AKT3: variants seen among roughly 807,000 people sequenced by gnomAD.
The protein encoded by AKT3 is RAC-gamma serine/threonine-protein kinase.
A neutral mutation model predicts 65.3 loss-of-function variants in AKT3; 15 were observed. The ratio of observed to expected loss-of-function variants is 0.23; its 90% CI spans 0.15 to 0.35. The LOEUF (loss-of-function observed/expected upper bound fraction) is 0.35, where lower values mean the gene tolerates loss of function less well. Ranked by LOEUF, AKT3 falls within the 10% of genes least tolerant of loss-of-function variation. AKT3 has a pLI of 1.00. For synonymous variants in AKT3, 206 were observed against 183.8 expected (o/e 1.12, Z -0.98); for missense variants, 243 against 576.5 (o/e 0.42, Z 5.92).
At chr1:243,689,919 TG>T (rs1260606614) in intron 3 of AKT3, among the ~76,000 whole-genome samples, 3 of 152,014 alleles carry the variant, frequency 2.0e-5, no homozygotes, top group Non-Finnish European at 2.9e-5. Flanking sequence ...TACTCCAGCC[TG>T]GGTGACAGAG....
chr1:243,525,085 A>G (rs765450705), intron 12 of AKT3, among the ~76,000 whole-genome samples: 1 of 152,208 alleles, frequency 6.6e-6, no homozygotes, highest in Non-Finnish European at 1.5e-5. Flanking sequence ...AGGCAGCCAA[A>G]GAGAAGAAGC....
chr1:243,545,654 A>C, intron 11 of AKT3, 57 bp from the exon 12 acceptor site: 1 of 1,217,406 alleles, frequency 8.2e-7, no homozygotes, highest in Non-Finnish European at 1.2e-6. Context: ...AGCTCAAAGC[A>C]TAACAAAAAA....
intron 2 of AKT3, among the ~76,000 whole-genome samples, chr1:243,740,454 C>T (rs1223914679): frequency 6.6e-6 from 1 of 152,144 alleles, no homozygotes; most frequent in African/African-American, 2.4e-5. Flanking sequence ...CCTTGGTATG[C>T]AGGATTCTGC....
chr1:243,568,109 A>G (rs1228007663), intron 9 of AKT3, among the ~76,000 whole-genome samples: 1 of 152,200 alleles, frequency 6.6e-6, no homozygotes. Context: ...ATATTTACAA[A>G]TGATCTTTCT....
intron 2 of AKT3, among the ~76,000 whole-genome samples, chr1:243,736,140 C>T (rs1359334536): frequency 6.6e-6 from 1 of 152,164 alleles, no homozygotes; most frequent in African/African-American, 2.4e-5. Flanking sequence ...AATCCTGGCT[C>T]TGCCACTTAT....
chr1:243,784,428 C>T, intron 2 of AKT3, among the ~76,000 whole-genome samples: 1 of 125,814 alleles, frequency 7.9e-6, no homozygotes, highest in South Asian at 2.6e-4. Flanking sequence ...CAGCCCTCTT[C>T]AAAAAAAAAA....
intron 10 of AKT3, among the ~76,000 whole-genome samples, chr1:243,559,569 T>C (rs1389633846): frequency 6.6e-6 from 1 of 152,176 alleles, no homozygotes; most frequent in Non-Finnish European, 1.5e-5. Flanking sequence ...GTATCTGACA[T>C]TGGACATTTA....
chr1:243,515,146 G>T (rs1242551051), intron 12 of AKT3, among the ~76,000 whole-genome samples: 1 of 152,134 alleles, frequency 6.6e-6, no homozygotes, highest in African/African-American at 2.4e-5. Context: ...ACTTTGCTGG[G>T]TAATATTTCA....
At chr1:243,642,251 C>A (rs1178718387) in intron 5 of AKT3, among the ~76,000 whole-genome samples, 1 of 152,160 alleles carries the variant, frequency 6.6e-6, no homozygotes. Flanking sequence ...TACACTATTA[C>A]AAAATGTTTT....
Position 243,523,965 on chromosome 1 carries a change from T to C in AKT3, c.1252-11539A>G, listed in dbSNP as rs144435306. Among the ~76,000 whole-genome samples the C allele has an allele frequency of 2.5e-3, 379 of 152,330 alleles. 2 individuals are homozygous for C. Among genetic ancestry groups the C allele is most frequent in the South Asian group, 6.0e-3 (29 of 4,822 alleles). ...AAATGCATGTTAGTTGATTGTGTCATTGTCAAACATCATGGAGAGTACTTA... is the reference window on the plus strand; with the variant it reads ...AAATGCATGTTAGTTGATTGTGTCACTGTCAAACATCATGGAGAGTACTTA... On this transcript the variant is annotated intron_variant, in intron 12 of 13. Coordinates refer to ENST00000673466, the MANE Select transcript of AKT3 (RefSeq NM_005465.7).
At chr1:243,795,440 G>T (rs1572361723) in intron 2 of AKT3, among the ~76,000 whole-genome samples, 2 of 142,080 alleles carry the variant, frequency 1.4e-5, no homozygotes, top group African/African-American at 2.6e-5. Context: ...GGTTTCCCTT[G>T]ATCTCCTTGT....
intron 2 of AKT3, among the ~76,000 whole-genome samples, chr1:243,815,768 A>C (rs1693474971): frequency 2.5e-5 from 1 of 40,108 alleles, no homozygotes; most frequent in Non-Finnish European, 7.9e-5. Flanking sequence ...GCACCACCAC[A>C]CCCAGCTAGT....
intron 2 of AKT3, among the ~76,000 whole-genome samples, chr1:243,758,454 G>A (rs1689280257): frequency 6.6e-6 from 1 of 152,142 alleles, no homozygotes; most frequent in South Asian, 2.1e-4. Context: ...GTTCCAGGAA[G>A]ACAAAAAAGC....
chr1:243,557,545 A>G (rs1463575695), intron 10 of AKT3, among the ~76,000 whole-genome samples: 2 of 152,060 alleles, frequency 1.3e-5, no homozygotes, highest in Non-Finnish European at 2.9e-5. Context: ...GTTCATATTT[A>G]AACAATGTCC....
chr1:243,763,880 T>C (rs146925730), intron 2 of AKT3, among the ~76,000 whole-genome samples: 22 of 152,266 alleles, frequency 1.4e-4, no homozygotes, highest in African/African-American at 4.8e-4. Flanking sequence ...AATAGTACTT[T>C]TGCTTTAATT....
In AKT3 at chr1:243,607,540, A is replaced by G. The variant is rs1162030374; in HGVS notation, c.696+6131T>C. 2.0e-5 allele frequency among the ~76,000 whole-genome samples: 3 copies of G among 152,196 alleles called. 1 individual carries two copies. The highest frequency in any genetic ancestry group is 6.5e-5 in the Admixed American group (1 of 15,280). ...CAATGCCTGTACCCCCATTGTATCT[A>G]GGAAGTAACTAACTTGCTTTTGACT... On this transcript the variant is annotated intron_variant, in intron 8 of 13. Transcript: ENST00000673466.
intron 2 of AKT3, among the ~76,000 whole-genome samples, chr1:243,809,513 G>C (rs993500868): frequency 4.6e-5 from 7 of 152,062 alleles, no homozygotes; most frequent in African/African-American, 1.7e-4. Context: ...CCCAATACAG[G>C]AGCACCCACA....
chr1:243,658,695 AT>A (rs145466981), intron 4 of AKT3, among the ~76,000 whole-genome samples: 1,709 of 152,224 alleles, frequency 0.011, 33 homozygotes, highest in African/African-American at 0.039. Flanking sequence ...ACTATTCGCA[AT>A]AGCCAAGAGG....
intron 13 of AKT3, among the ~76,000 whole-genome samples, chr1:243,510,358 T>G (rs1669941202): frequency 6.6e-6 from 1 of 152,144 alleles, no homozygotes; most frequent in African/African-American, 2.4e-5. Context: ...ACTAGATCCT[T>G]CCTCTCCAAC....
Sources: gnomAD v4.1 joint callset for allele counts (sites outside exome capture counted in the v4.1 genomes callset) on GRCh38, gnomAD v4.1.1 for gene constraint, MANE v1.5 for transcripts, NCBI Gene and HGNC (gene_info 2026-07-23, HGNC 2026-07-21) for gene names.